DNAJC3: variants seen among roughly 807,000 people sequenced by gnomAD.
DNAJC3 encodes DnaJ heat shock protein family (Hsp40) member C3.
Under a neutral mutation model 68.6 loss-of-function variants are expected in DNAJC3, and 38 were observed. That is an observed-to-expected ratio of 0.55 (90% CI 0.43 to 0.73). The LOEUF (loss-of-function observed/expected upper bound fraction) is 0.73. Among genes scored for constraint, DNAJC3 ranks in the 30% least tolerant of loss-of-function variants. The probability of loss-of-function intolerance (pLI) is 0.00; values close to 1 mark genes in which losing one functional copy is unlikely to be tolerated. For missense variants in DNAJC3, 526 were observed against 591.9 expected (o/e 0.89, Z 1.16); for synonymous variants, 203 against 204.0 (o/e 1.00, Z 0.04).
At chr13:95,739,884 C>T (rs1489458993) in intron 4 of DNAJC3, among the ~76,000 whole-genome samples, 18 of 152,214 alleles carry the variant, frequency 1.2e-4, no homozygotes, top group South Asian at 2.1e-4. Flanking sequence ...GGAGGAGATG[C>T]GCTCTGCTTT....
At chr13:95,734,179 A>G (rs189373131) in intron 4 of DNAJC3, among the ~76,000 whole-genome samples, 2 of 152,122 alleles carry the variant, frequency 1.3e-5, no homozygotes, top group Admixed American at 1.3e-4. Flanking sequence ...GTCCTTTTGC[A>G]TCTAGGTTTA....
chr13:95,789,282 A>T (rs569723129), intron 11 of DNAJC3, among the ~76,000 whole-genome samples: 2 of 152,192 alleles, frequency 1.3e-5, no homozygotes, highest in African/African-American at 2.4e-5. Context: ...CCCATTAGTT[A>T]TTATTCCTGA....
At chr13:95,769,896 G>GTAA (rs1566509466) in intron 9 of DNAJC3, among the ~76,000 whole-genome samples, 1 of 152,190 alleles carries the variant, frequency 6.6e-6, no homozygotes, top group African/African-American at 2.4e-5. Flanking sequence ...ACCCATGAGC[G>GTAA]TAATATGTAG....
At chr13:95,719,731 G>A (rs1027716864) in intron 2 of DNAJC3, among the ~76,000 whole-genome samples, 1 of 152,306 alleles carries the variant, frequency 6.6e-6, no homozygotes, top group South Asian at 2.1e-4. Context: ...TCCATTTCCT[G>A]TCTTAAAATG....
At chr13:95,788,767 C>A (rs569541035) in intron 11 of DNAJC3, among the ~76,000 whole-genome samples, 1 of 152,176 alleles carries the variant, frequency 6.6e-6, no homozygotes, top group Non-Finnish European at 1.5e-5. Context: ...ATCACCCCCA[C>A]CCCTACGGAG....
At chr13:95,776,745 T>G (rs1241688474) in intron 9 of DNAJC3, among the ~76,000 whole-genome samples, 1 of 152,242 alleles carries the variant, frequency 6.6e-6, no homozygotes, top group African/African-American at 2.4e-5. Flanking sequence ...TCCTCACTGT[T>G]CTTCCACCTC....
At chr13:95,733,241 C>T (rs59855619) in intron 4 of DNAJC3, among the ~76,000 whole-genome samples, 2,592 of 152,012 alleles carry the variant, frequency 0.017, 80 homozygotes, top group African/African-American at 0.06. Flanking sequence ...TTAAAGTCCC[C>T]CACTATTATT....
intron 1 of DNAJC3, chr13:95,695,181 A>G (rs1880402123): frequency 6.6e-6 from 1 of 152,176 alleles, no homozygotes; most frequent in Admixed American, 6.5e-5. Flanking sequence ...ATGAAACAGG[A>G]TCCAGTAACC....
intron 1 of DNAJC3, among the ~76,000 whole-genome samples, chr13:95,700,917 C>T (rs961209107): frequency 3.3e-5 from 5 of 152,126 alleles, no homozygotes; most frequent in Non-Finnish European, 7.4e-5. Context: ...TAAAGTGTTC[C>T]GCTCCAGAAT....
chr13:95,677,832 T>C (rs1306052598), intron 1 of DNAJC3, among the ~76,000 whole-genome samples: 1 of 152,136 alleles, frequency 6.6e-6, no homozygotes, highest in Non-Finnish European at 1.5e-5. Flanking sequence ...GTTGACTATT[T>C]AAAAAGTGTG....
At chr13:95,734,893 T>C (rs987401331) in intron 4 of DNAJC3, among the ~76,000 whole-genome samples, 1 of 150,312 alleles carries the variant, frequency 6.7e-6, no homozygotes, top group African/African-American at 2.5e-5. Flanking sequence ...TATGTATACA[T>C]GTGCCATGCT....
At chr13:95,744,611 A>G (rs1593998224) in intron 4 of DNAJC3, 2 of 152,344 alleles carry the variant, frequency 1.3e-5, no homozygotes, top group East Asian at 3.9e-4. Flanking sequence ...ATATGTATGT[A>G]CTTTGATCAA....
chr13:95,738,086 T>TA (rs1475760671), intron 4 of DNAJC3, among the ~76,000 whole-genome samples: 1 of 148,456 alleles, frequency 6.7e-6, no homozygotes, highest in African/African-American at 2.5e-5. Flanking sequence ...ATGTACCCAG[T>TA]AGTCATTCAG....
chr13:95,757,709 A>G lies in DNAJC3; in HGVS notation c.459A>G (p.Glu153=). Residue 153 remains glutamate (E), a synonymous_variant, in exon 5 of 12, where the codon GAA becomes GAG. Transcript: ENST00000602402. ...AGTCTCAACTTATAAAATCTGATGA[A>G]ATGCAGCGTTTGCGTTCACAAGCAC... ...EAQSQLIKSD[E]MQRLRSQALN... 2 of 1,587,460 alleles carry G rather than the reference A, an allele frequency of 1.3e-6. No individual in the cohort carries two copies. Among genetic ancestry groups the G allele is most frequent in the Non-Finnish European group, 1.7e-6 (2 of 1,158,852 alleles).
chr13:95,691,327 C>CA (rs1880251755), intron 1 of DNAJC3, among the ~76,000 whole-genome samples: 1 of 151,280 alleles, frequency 6.6e-6, no homozygotes, highest in South Asian at 2.1e-4. Context: ...AGGGACTCCT[C>CA]ACTTCTCAGA....
intron 4 of DNAJC3, among the ~76,000 whole-genome samples, chr13:95,754,200 C>A (rs1882579974): frequency 1.3e-5 from 2 of 152,220 alleles, no homozygotes; most frequent in Admixed American, 1.3e-4. Flanking sequence ...AGGGCTTGGC[C>A]AGTAAACGAT....
At chr13:95,774,961 A>G (rs758125358) in intron 9 of DNAJC3, among the ~76,000 whole-genome samples, 16 of 152,182 alleles carry the variant, frequency 1.1e-4, no homozygotes, top group African/African-American at 2.7e-4. Flanking sequence ...TACTTGATCA[A>G]TATTACTGTG....
At chr13:95,678,484 G>C (rs1879828318) in intron 1 of DNAJC3, among the ~76,000 whole-genome samples, 1 of 152,086 alleles carries the variant, frequency 6.6e-6, no homozygotes. Context: ...CACGTAGTGT[G>C]GCAACATTGG....
chr13:95,752,986 T>C (rs1882527953), intron 4 of DNAJC3, among the ~76,000 whole-genome samples: 1 of 152,248 alleles, frequency 6.6e-6, no homozygotes, highest in Non-Finnish European at 1.5e-5. Context: ...GTGTGAATTT[T>C]GCTAACCTGT....
Sources: allele counts gnomAD v4.1 joint callset (sites outside exome capture counted in the v4.1 genomes callset), GRCh38; gene constraint gnomAD v4.1.1; transcripts MANE v1.5; gene names NCBI Gene and HGNC (gene_info 2026-07-23, HGNC 2026-07-21).